ANK3: variants seen among roughly 807,000 people sequenced by gnomAD.
ANK3 encodes ankyrin 3.
Under a neutral mutation model 370.9 loss-of-function variants are expected in ANK3, and 57 were observed. The observed-to-expected ratio is 0.15, with a 90% CI of 0.12 to 0.19. ANK3 has a LOEUF of 0.19. Among genes scored for constraint, ANK3 ranks in the 10% least tolerant of loss-of-function variants. The pLI, the probability that ANK3 is intolerant of heterozygous loss-of-function variation, is 1.00. For synonymous variants in ANK3, 1,929 were observed against 1,946.3 expected (o/e 0.99, Z 0.23); for missense variants, 4,439 against 5,302.1 (o/e 0.84, Z 5.06).
intron 1 of ANK3, among the ~76,000 whole-genome samples, chr10:60,715,427 G>C (rs1354517648): frequency 2.0e-5 from 3 of 152,084 alleles, no homozygotes; most frequent in African/African-American, 7.2e-5. Context: ...ATAATATCTG[G>C]TGGTGGGATA....
intron 2 of ANK3, among the ~76,000 whole-genome samples, chr10:60,453,851 C>T (rs534547762): frequency 2.8e-4 from 42 of 152,194 alleles, no homozygotes; most frequent in East Asian, 5.8e-4. Context: ...TATTAGCAAT[C>T]GTTCTATATA....
chr10:60,707,004 CTAA>C (rs1291529034), intron 1 of ANK3, among the ~76,000 whole-genome samples: 1 of 152,112 alleles, frequency 6.6e-6, no homozygotes, highest in South Asian at 2.1e-4. Flanking sequence ...TGTTTCAAAC[CTAA>C]TAATAATATA....
chr10:60,407,257 T>C (rs1217717562), intron 2 of ANK3, among the ~76,000 whole-genome samples: 1 of 152,174 alleles, frequency 6.6e-6, no homozygotes, highest in Non-Finnish European at 1.5e-5. Flanking sequence ...CCACTGAAAA[T>C]TGATCTTTTC....
chr10:60,474,322 C>A (rs946775963), intron 2 of ANK3, among the ~76,000 whole-genome samples: 3 of 152,044 alleles, frequency 2.0e-5, no homozygotes, highest in African/African-American at 7.2e-5. Flanking sequence ...AGTGCTTCCA[C>A]GCACAGGCAA....
chr10:60,610,451 T>C (rs946706164), intron 2 of ANK3, among the ~76,000 whole-genome samples: 1 of 150,958 alleles, frequency 6.6e-6, no homozygotes, highest in African/African-American at 2.4e-5. Context: ...AGGTGGAGAC[T>C]GCAGTGAGCC....
At chr10:60,571,391 G>T (rs540106672) in intron 2 of ANK3, among the ~76,000 whole-genome samples, 1 of 152,014 alleles carries the variant, frequency 6.6e-6, no homozygotes, top group South Asian at 2.1e-4. Flanking sequence ...TTTTTTAAAC[G>T]CCTGATATAT....
intron 1 of ANK3, among the ~76,000 whole-genome samples, chr10:60,723,542 T>C (rs551035973): frequency 6.6e-6 from 1 of 152,300 alleles, no homozygotes; most frequent in African/African-American, 2.4e-5. Context: ...TCAGTTTCTC[T>C]CCAGCTTCTA....
intron 2 of ANK3, among the ~76,000 whole-genome samples, chr10:60,544,665 C>T (rs2076921442): frequency 6.6e-6 from 1 of 152,042 alleles, no homozygotes; most frequent in Non-Finnish European, 1.5e-5. Flanking sequence ...TAAAACAACA[C>T]ATACAGATAT....
intron 2 of ANK3, among the ~76,000 whole-genome samples, chr10:60,549,818 A>C (rs2077049953): frequency 1.3e-5 from 2 of 152,192 alleles, no homozygotes; most frequent in South Asian, 4.1e-4. Flanking sequence ...TTTTGAAAAA[A>C]GACCTGTTCT....
rs566039289 is a variant in ANK3 at position 60,274,924 on chromosome 10, C to T, written c.414+3850G>A. On this transcript the variant is annotated intron_variant, in intron 4 of 43. Transcript: ENST00000280772. Reference sequence around the variant, plus strand: ...AATTAGAAGTGTTCTTTGGAAAGAGCGAATAAAAATATTGCCATCACTCCC... The same window carrying T: ...AATTAGAAGTGTTCTTTGGAAAGAGTGAATAAAAATATTGCCATCACTCCC... Among the ~76,000 whole-genome samples, 215 of 152,156 alleles carry T rather than the reference C, an allele frequency of 1.4e-3. 2 individuals are homozygous for T. Among genetic ancestry groups the T allele is most frequent in the Middle Eastern group, 0.01 (3 of 294 alleles).
At chr10:60,464,683 T>G (rs2064968828) in intron 2 of ANK3, among the ~76,000 whole-genome samples, 1 of 152,218 alleles carries the variant, frequency 6.6e-6, no homozygotes, top group South Asian at 2.1e-4. Context: ...TTAGCTCTAC[T>G]TGGTAACCCC....
At chr10:60,369,180 T>C (rs953805296) in intron 1 of ANK3, among the ~76,000 whole-genome samples, 2 of 152,172 alleles carry the variant, frequency 1.3e-5, no homozygotes, top group Non-Finnish European at 2.9e-5. Context: ...CATATAATTG[T>C]AAAGCAAATA....
intron 1 of ANK3, among the ~76,000 whole-genome samples, chr10:60,307,151 G>C (rs998935023): frequency 6.6e-6 from 1 of 152,152 alleles, no homozygotes; most frequent in Non-Finnish European, 1.5e-5. Flanking sequence ...ACACAGCAAT[G>C]GTCATTTGTT....
chr10:60,503,491 T>C (rs548209484), intron 2 of ANK3, among the ~76,000 whole-genome samples: 1 of 152,202 alleles, frequency 6.6e-6, no homozygotes, highest in South Asian at 2.1e-4. Flanking sequence ...TCTCAGAAAG[T>C]TAAGTAAATT....
intron 1 of ANK3, among the ~76,000 whole-genome samples, chr10:60,316,013 T>C (rs773294287): frequency 1.3e-5 from 2 of 152,172 alleles, no homozygotes; most frequent in Non-Finnish European, 2.9e-5. Context: ...AAAATGCTTT[T>C]GGCTCAGCAG....
intron 18 of ANK3, among the ~76,000 whole-genome samples, chr10:60,179,830 C>T (rs960809300): frequency 6.6e-6 from 1 of 152,150 alleles, no homozygotes; most frequent in Non-Finnish European, 1.5e-5. Context: ...TGTTTCTCTC[C>T]TCCCCGACCT....
chr10:60,542,841 A>G lies in ANK3; in HGVS notation c.96+72345T>C, dbSNP rs189861691. On this transcript the variant is annotated intron_variant, in intron 2 of 43. Coordinates refer to the ANK3 transcript ENST00000373827. ...GGCGCAGGTTGAGGTTTGAACCATT[A>G]CGTTTTCTTTTACTTATTTTAATGA... Among the ~76,000 whole-genome samples, 197 of 152,030 alleles carry G rather than the reference A, an allele frequency of 1.3e-3. 1 individual carries two copies. The highest frequency in any genetic ancestry group is 4.5e-3 in the African/African-American group (187 of 41,532).
chr10:60,363,098 G>A (rs1594528457), intron 1 of ANK3, among the ~76,000 whole-genome samples: 2 of 138,994 alleles, frequency 1.4e-5, no homozygotes, highest in East Asian at 5.1e-4. Context: ...GAGGGGGGCG[G>A]GGGGCGCAAT....
At chr10:60,418,305 T>G (rs568485805) in intron 2 of ANK3, among the ~76,000 whole-genome samples, 1 of 152,180 alleles carries the variant, frequency 6.6e-6, no homozygotes, top group Non-Finnish European at 1.5e-5. Context: ...TTCCCATTGC[T>G]TCTGCCTGGA....
Sources: allele counts gnomAD v4.1 joint callset (sites outside exome capture counted in the v4.1 genomes callset), GRCh38; gene constraint gnomAD v4.1.1; transcripts MANE v1.5; gene names NCBI Gene and HGNC (gene_info 2026-07-23, HGNC 2026-07-21).